The following TRIML1 variants were observed in gnomAD, a reference collection of about 807,000 sequenced individuals.
TRIML1 encodes the protein tripartite motif family like 1.
In TRIML1, 34 loss-of-function variants were observed where a neutral mutation model predicts 32.3. That is an observed-to-expected ratio of 1.05 (90% CI 0.80 to 1.40). The LOEUF (loss-of-function observed/expected upper bound fraction) is 1.40. TRIML1 is among the 40% of genes most tolerant of loss of function. TRIML1 has a pLI of 0.00. For synonymous variants in TRIML1, 244 were observed against 226.6 expected (o/e 1.08, Z -0.69); for missense variants, 595 against 574.9 (o/e 1.03, Z -0.36).
Position 188,147,155 on chromosome 4 carries a change from G to A in TRIML1, c.1190G>A (p.Gly397Asp). ...YSLWVSSPLK[G>D]QHVREPVCKV... Reference sequence around the variant, plus strand: ...CTCTGGGTCTCGTCACCTTTGAAAGGTCAGCACGTCAGAGAGCCTGTGTGT... The same window carrying A: ...CTCTGGGTCTCGTCACCTTTGAAAGATCAGCACGTCAGAGAGCCTGTGTGT... Residue 397 changes from glycine to aspartate, a missense_variant, in exon 6 of 6, where the codon GGT (glycine) becomes GAT (aspartate). Gly to Asp is a moderately conservative substitution (Grantham distance 94). Transcript: ENST00000332517. 1 of 1,614,074 alleles carries A rather than the reference G, an allele frequency of 6.2e-7. No homozygotes were observed. The highest frequency in any genetic ancestry group is 1.3e-5 in the African/African-American group (1 of 75,050).
At chr4:188,150,068 T>G (rs1264118986), downstream of TRIML1, among the ~76,000 whole-genome samples, 1 of 151,894 alleles carries the variant, frequency 6.6e-6, no homozygotes, top group Non-Finnish European at 1.5e-5. Context: ...CCTCCCAAAG[T>G]GTTGAGATTA....
At chr4:188,146,511 G>GCAATTC (rs2111237949) in intron 5 of TRIML1, among the ~76,000 whole-genome samples, 1 of 152,270 alleles carries the variant, frequency 6.6e-6, no homozygotes, top group East Asian at 1.9e-4. Flanking sequence ...CTGGGTTCAA[G>GCAATTC]CAATTCTCGT....
At chr4:188,137,904 C>G (rs1331368204), upstream of TRIML1, among the ~76,000 whole-genome samples, 3 of 142,976 alleles carry the variant, frequency 2.1e-5, no homozygotes, top group Non-Finnish European at 3.0e-5. Flanking sequence ...TGAGCAACCG[C>G]GCCTGGCCAA....
At chr4:188,149,763 C>T (rs556819681), downstream of TRIML1, among the ~76,000 whole-genome samples, 42 of 152,208 alleles carry the variant, frequency 2.8e-4, no homozygotes, top group Non-Finnish European at 4.4e-4. Flanking sequence ...GCACGTCCTC[C>T]TTAGACTATC....
Position 188,147,468 on chromosome 4 carries a change from C to T in TRIML1, c.*96C>T. The T allele has an allele frequency of 8.8e-7, 1 of 1,138,508 alleles. No homozygotes were observed. The highest frequency in any genetic ancestry group is 1.6e-5 in the African/African-American group (1 of 63,734). The allele number at this position is 1,138,508 out of a possible 1,614,324, so 70.5% of individuals were successfully genotyped here. ...ATCGACAGTATTAATGTCAGGTGATCTGAAATAAACTCCCGTAACCCCACC... is the reference window on the plus strand; with the variant it reads ...ATCGACAGTATTAATGTCAGGTGATTTGAAATAAACTCCCGTAACCCCACC... On this transcript the variant is annotated 3_prime_UTR_variant, in exon 6 of 6. Transcript: ENST00000332517.
At chr4:188,143,795 G>C (rs111910671) in intron 3 of TRIML1, 43 bp from the exon 4 acceptor site, 3 of 1,613,264 alleles carry the variant, frequency 1.9e-6, no homozygotes, top group African/African-American at 2.7e-5. Flanking sequence ...TCTGTGTTAT[G>C]ATCAAAGCGC....
At chr4:188,150,221 G>T (rs186696976), downstream of TRIML1, among the ~76,000 whole-genome samples, 1 of 151,950 alleles carries the variant, frequency 6.6e-6, no homozygotes, top group Non-Finnish European at 1.5e-5. Flanking sequence ...CTCCCCACAG[G>T]GTTCAAGTAA....
At chr4:188,140,842 C>T in intron 2 of TRIML1, 1 of 453,764 alleles carries the variant, frequency 2.2e-6, no homozygotes, top group Non-Finnish European at 3.9e-6. Flanking sequence ...CTTTGCATAA[C>T]TAGACAACGC....
upstream of TRIML1, among the ~76,000 whole-genome samples, chr4:188,137,475 CTTT>C (rs70938701): frequency 4.4e-4 from 45 of 101,458 alleles, no homozygotes; most frequent in Admixed American, 1.2e-3. Context: ...GCTATTTTTA[CTTT>C]TTTTTTTTTT....
chr4:188,140,819 C>T (rs1734826409), intron 2 of TRIML1, 196 bp downstream of exon 2: 3 of 521,310 alleles, frequency 5.8e-6, no homozygotes, highest in South Asian at 5.0e-5. Context: ...AATTCGCCCC[C>T]TCTAGGAGCC....
downstream of TRIML1, among the ~76,000 whole-genome samples, chr4:188,150,428 C>T (rs1246926798): frequency 1.3e-5 from 2 of 152,206 alleles, no homozygotes; most frequent in Non-Finnish European, 2.9e-5. Context: ...CGCACCTGGG[C>T]CCCACTTATT....
intron 3 of TRIML1, chr4:188,143,617 G>C (rs1481071223): frequency 9.6e-6 from 6 of 622,726 alleles, no homozygotes; most frequent in Non-Finnish European, 1.7e-5. Context: ...AAAAGAAAAG[G>C]ACAAAGTATT....
At chr4:188,149,705 C>T (rs1735200462), downstream of TRIML1, among the ~76,000 whole-genome samples, 1 of 152,192 alleles carries the variant, frequency 6.6e-6, no homozygotes, top group African/African-American at 2.4e-5. Flanking sequence ...TAATTCCCAC[C>T]TTGACATCAC....
intron 1 of TRIML1, 30 bp from the exon 2 acceptor site, chr4:188,140,498 T>C: frequency 6.3e-7 from 1 of 1,582,810 alleles, no homozygotes; most frequent in Non-Finnish European, 8.7e-7. Flanking sequence ...ACTCTGCTCA[T>C]TTGCCAGAAA....
chr4:188,142,608 A>G, intron 3 of TRIML1, 126 bp downstream of exon 3: 1 of 717,900 alleles, frequency 1.4e-6, no homozygotes, highest in Non-Finnish European at 2.3e-6. Context: ...TAGTTTTCCT[A>G]AAGAATTGAC....
At position 188,140,549 on chromosome 4, in the gene TRIML1, A is replaced by T. The variant is rs773723882; in HGVS notation, c.430A>T (p.Asn144Tyr). The T allele has an allele frequency of 6.2e-7, 1 of 1,614,076 alleles. No individual in the cohort carries two copies. Among genetic ancestry groups the T allele is most frequent in the East Asian group, 2.2e-5 (1 of 44,878 alleles). Residue 144 changes from asparagine to tyrosine, a missense_variant, in exon 2 of 6, where the codon AAT becomes TAT. Physicochemically the swap from Asn to Tyr is moderately radical, Grantham distance 143. Transcript: ENST00000332517. Reference sequence around the variant, plus strand: ...GCAGGAGAAACTCCAGGAAATCCTGAATCTTTTGCGTGTAAGGAGAAAGGA... The same window carrying T: ...GCAGGAGAAACTCCAGGAAATCCTGTATCTTTTGCGTGTAAGGAGAAAGGA... ...HHREKLQEIL[N>Y]LLRVRRKEAQ...
Position 188,139,853 on chromosome 4 carries a change from C to T in TRIML1, c.295C>T (p.Pro99Ser). The change falls in exon 1 of 6, where the codon CCC becomes TCC. Residue 99 changes from proline to serine, a missense_variant. Pro to Ser is a moderately conservative substitution (Grantham distance 74). Transcript: ENST00000332517. ...EDEQGSYGRMPTTAKALSDDE... is the reference protein window; with the variant it reads ...EDEQGSYGRMSTTAKALSDDE... ...TGAGCAGGGCAGCTACGGGAGGATGCCCACCACTGCCAAGGCGCTCTCCGA... is the reference window on the plus strand; with the variant it reads ...TGAGCAGGGCAGCTACGGGAGGATGTCCACCACTGCCAAGGCGCTCTCCGA... 1.2e-5 allele frequency: 19 copies of T among 1,613,822 alleles called. No individual in the cohort carries two copies. The highest frequency in any genetic ancestry group is 1.6e-5 in the Non-Finnish European group (19 of 1,180,026).
Position 188,144,017 on chromosome 4 carries a change from C to T in TRIML1, c.759-19C>T, listed in dbSNP as rs771722609. ...CACGCGGTCTGTGCCGAGGAGTGAACCTCTCTGCTCTCTTGCAGGAGCGAG... is the reference window on the plus strand; with the variant it reads ...CACGCGGTCTGTGCCGAGGAGTGAATCTCTCTGCTCTCTTGCAGGAGCGAG... On this transcript the variant is annotated intron_variant, in intron 4 of 5. Transcript: ENST00000332517. 1.2e-6 allele frequency: 2 copies of T among 1,612,946 alleles called. No homozygotes were observed. The highest frequency in any genetic ancestry group is 1.1e-5 in the South Asian group (1 of 91,038).
chr4:188,149,501 A>G (rs1180184320), downstream of TRIML1, among the ~76,000 whole-genome samples: 1 of 82,844 alleles, frequency 1.2e-5, no homozygotes, highest in East Asian at 2.0e-4. Flanking sequence ...AGGTCTGTGA[A>G]ATAAAGAGGG....
Sources: gnomAD v4.1 joint callset for allele counts (sites outside exome capture counted in the v4.1 genomes callset) on GRCh38, gnomAD v4.1.1 for gene constraint, MANE v1.5 for transcripts, NCBI Gene and HGNC (gene_info 2026-07-23, HGNC 2026-07-21) for gene names.